RBPMS: variants seen among roughly 807,000 people sequenced by gnomAD.
RBPMS encodes the protein RNA binding protein, mRNA processing factor.
In RBPMS, 7 loss-of-function variants were observed where a neutral mutation model predicts 26.8. The observed-to-expected ratio is 0.26, with a 90% CI of 0.15 to 0.49. RBPMS has a LOEUF of 0.49. Among genes scored for constraint, RBPMS ranks in the 20% least tolerant of loss-of-function variants. The pLI, the probability that RBPMS is intolerant of heterozygous loss-of-function variation, is 0.98. For missense variants in RBPMS, 186 were observed against 250.0 expected, an observed-to-expected ratio of 0.74 and a Z score of 1.73; for synonymous variants, 96 against 93.3, an observed-to-expected ratio of 1.03 and a Z score of -0.17.
chr8:30,485,825 C>CT (rs906379250), intron 4 of RBPMS, among the ~76,000 whole-genome samples: 4 of 152,334 alleles, frequency 2.6e-5, no homozygotes, highest in African/African-American at 9.6e-5. Context: ...GTTCTAGAAT[C>CT]TGTCCAGATT....
chr8:30,527,593 G>T (rs1823727675), intron 5 of RBPMS, among the ~76,000 whole-genome samples: 1 of 152,092 alleles, frequency 6.6e-6, no homozygotes, highest in Non-Finnish European at 1.5e-5. Flanking sequence ...TACCATCCAA[G>T]CCCCACACTG....
chr8:30,556,138 C>T, intron 6 of RBPMS: 1 of 985,402 alleles, frequency 1.0e-6, no homozygotes, highest in Non-Finnish European at 1.2e-6. Context: ...GTGTCCTAGC[C>T]TGAGACACAA....
At position 30,384,856 on chromosome 8, in the gene RBPMS, C is replaced by T; in HGVS notation, c.-237C>T. The T allele has an allele frequency of 6.0e-6, 2 of 332,686 alleles. No individual in the cohort carries two copies. Among genetic ancestry groups the T allele is most frequent in the South Asian group, 2.6e-4 (2 of 7,626 alleles). The allele number at this position is 332,686 out of a possible 1,614,324, so 20.6% of individuals were successfully genotyped here. On this transcript the variant is annotated 5_prime_UTR_variant, in exon 1 of 9. Transcript: ENST00000397323. The surrounding 1 kb of genome is among the most constrained non-coding windows in gnomAD (Gnocchi z 5.6). ...TGCCCCGCTCCCGGCCCGCGCCCTG[C>T]CCCGTCTCTCCCTTGCACTTCCTGA...
chr8:30,540,433 G>C lies in RBPMS; in HGVS notation c.398-4061G>C, dbSNP rs79827265. On this transcript the variant is annotated intron_variant, in intron 5 of 8. Coordinates refer to ENST00000397323, the MANE Select transcript of RBPMS (RefSeq NM_001008710.3). ...GGTTTTAAGCGGGAGTGACATGACT[G>C]AATTAAGAGACAGGGTCTTACTCTG... Among the ~76,000 whole-genome samples the C allele has an allele frequency of 3.6e-3, 554 of 152,244 alleles. 1 individual carries two copies. The highest frequency in any genetic ancestry group is 5.6e-3 in the Non-Finnish European group (380 of 68,022).
At chr8:30,557,982 A>T (rs999637177) in intron 6 of RBPMS, among the ~76,000 whole-genome samples, 1 of 152,174 alleles carries the variant, frequency 6.6e-6, no homozygotes, top group Non-Finnish European at 1.5e-5. Flanking sequence ...CTCCTGCCTC[A>T]GCCTCCCAAG....
chr8:30,463,709 G>A (rs1816200031), intron 1 of RBPMS, among the ~76,000 whole-genome samples: 1 of 152,232 alleles, frequency 6.6e-6, no homozygotes, highest in Admixed American at 6.5e-5. Context: ...AGTTTAATAT[G>A]AGGAAACTTA....
intron 1 of RBPMS, among the ~76,000 whole-genome samples, chr8:30,413,409 G>T (rs765548082): frequency 2.5e-4 from 38 of 152,018 alleles, no homozygotes; most frequent in Non-Finnish European, 5.4e-4. Context: ...CTCTCTGGAA[G>T]GAGAGTGGGC....
chr8:30,532,896 A>C (rs1184795038), intron 5 of RBPMS, among the ~76,000 whole-genome samples: 1 of 152,204 alleles, frequency 6.6e-6, no homozygotes, highest in Non-Finnish European at 1.5e-5. Context: ...GGATACATTC[A>C]GTTAAACAGG....
intron 4 of RBPMS, among the ~76,000 whole-genome samples, chr8:30,498,882 G>A (rs1489637329): frequency 6.6e-6 from 1 of 151,806 alleles, no homozygotes; most frequent in Non-Finnish European, 1.5e-5. Context: ...ATATTAAAAT[G>A]TGTTTATTAA....
At chr8:30,555,893 C>T (rs1193990447) in intron 6 of RBPMS, 11 of 985,426 alleles carry the variant, frequency 1.1e-5, no homozygotes, top group Non-Finnish European at 1.3e-5. Context: ...GTGATTAGCG[C>T]GGAGCAGCTT....
chr8:30,388,441 T>C (rs1459228049), intron 1 of RBPMS, among the ~76,000 whole-genome samples: 87 of 144,004 alleles, frequency 6.0e-4, no homozygotes, highest in Admixed American at 1.8e-3. Context: ...TTATAACTTA[T>C]AGCTATAGCT....
chr8:30,421,109 T>TTGTA (rs1311942188), intron 1 of RBPMS, among the ~76,000 whole-genome samples: 3 of 152,164 alleles, frequency 2.0e-5, no homozygotes, highest in African/African-American at 7.2e-5. Flanking sequence ...GATTTAGAAT[T>TTGTA]TGTATGTAAT....
At chr8:30,415,040 A>T (rs986957900) in intron 1 of RBPMS, among the ~76,000 whole-genome samples, 1 of 151,942 alleles carries the variant, frequency 6.6e-6, no homozygotes, top group Non-Finnish European at 1.5e-5. Flanking sequence ...CTGTCCTGAA[A>T]TCCAGATTCA....
chr8:30,530,958 C>T (rs558427473), intron 5 of RBPMS, among the ~76,000 whole-genome samples: 9 of 152,040 alleles, frequency 5.9e-5, no homozygotes, highest in African/African-American at 2.2e-4. Flanking sequence ...TCATGCAAAC[C>T]GTATGTATAA....
At chr8:30,548,178 TAGG>T (rs1826017335) in intron 6 of RBPMS, among the ~76,000 whole-genome samples, 2 of 152,180 alleles carry the variant, frequency 1.3e-5, no homozygotes, top group African/African-American at 4.8e-5. Context: ...ATGTGTTAAT[TAGG>T]AGAGGAAACT....
intron 5 of RBPMS, among the ~76,000 whole-genome samples, chr8:30,528,969 G>A (rs189092953): frequency 4.6e-5 from 7 of 151,330 alleles, no homozygotes; most frequent in Admixed American, 2.0e-4. Flanking sequence ...TAATCCCAGC[G>A]CTTTTGGGGG....
intron 1 of RBPMS, among the ~76,000 whole-genome samples, chr8:30,421,761 C>A (rs181267525): frequency 1.3e-5 from 2 of 152,028 alleles, no homozygotes; most frequent in Admixed American, 6.6e-5. Flanking sequence ...TCGAGACCAT[C>A]CTGGCCAACA....
At chr8:30,510,527 A>G (rs532720990) in intron 5 of RBPMS, among the ~76,000 whole-genome samples, 24 of 145,588 alleles carry the variant, frequency 1.6e-4, no homozygotes, top group Non-Finnish European at 6.0e-5. Context: ...TTATGTTTTT[A>G]TTATTTACCT....
chr8:30,430,555 C>G (rs1265735278), intron 1 of RBPMS, among the ~76,000 whole-genome samples: 1 of 152,164 alleles, frequency 6.6e-6, no homozygotes, highest in African/African-American at 2.4e-5. Context: ...AACAAAAATG[C>G]AGTAATCCAG....
Sources: gnomAD v4.1 joint callset for allele counts (sites outside exome capture counted in the v4.1 genomes callset) on GRCh38, gnomAD v4.1.1 for gene constraint, Gnocchi (gnomAD v3.1) non-coding constraint, MANE v1.5 for transcripts, NCBI Gene and HGNC (gene_info 2026-07-23, HGNC 2026-07-21) for gene names.